CNTN4: variants seen among roughly 807,000 people sequenced by gnomAD.
CNTN4 encodes contactin-4.
In CNTN4, 77 loss-of-function variants were observed where a neutral mutation model predicts 122.5. That is an observed-to-expected ratio of 0.63 (90% CI 0.52 to 0.76). The LOEUF (loss-of-function observed/expected upper bound fraction) is 0.76. CNTN4 is among the 30% of genes least tolerant of loss of function. CNTN4 has a pLI of 0.00. For synonymous variants in CNTN4, 512 were observed against 447.0 expected, an observed-to-expected ratio of 1.15 and a Z score of -1.83; for missense variants, 1,256 against 1,259.1, an observed-to-expected ratio of 1.00 and a Z score of 0.04.
intron 2 of CNTN4, among the ~76,000 whole-genome samples, chr3:2,234,963 G>T (rs1247013455): frequency 6.6e-6 from 1 of 151,934 alleles, no homozygotes; most frequent in Non-Finnish European, 1.5e-5. Flanking sequence ...GAACAGTATT[G>T]CCCTGAGTTT....
chr3:2,704,505 G>A (rs1024484015), intron 4 of CNTN4, among the ~76,000 whole-genome samples: 4 of 151,972 alleles, frequency 2.6e-5, no homozygotes, highest in African/African-American at 7.3e-5. Context: ...AAGAGAAAGA[G>A]GACAAAACAA....
intron 7 of CNTN4, among the ~76,000 whole-genome samples, chr3:2,830,837 A>C (rs965776558): frequency 6.6e-6 from 1 of 152,204 alleles, no homozygotes; most frequent in African/African-American, 2.4e-5. Context: ...CTCTCAGGTC[A>C]GTGCATTAAG....
chr3:2,997,138 A>T (rs987990623), intron 14 of CNTN4, among the ~76,000 whole-genome samples: 57 of 152,230 alleles, frequency 3.7e-4, no homozygotes, highest in Admixed American at 1.3e-4. Context: ...AATAATTTCC[A>T]TAGCTGAAAT....
intron 7 of CNTN4, among the ~76,000 whole-genome samples, chr3:2,840,653 CA>C (rs2093344829): frequency 6.9e-6 from 1 of 144,314 alleles, no homozygotes; most frequent in African/African-American, 2.6e-5. Context: ...GAGCCAAGAT[CA>C]CACCACTGCA....
At chr3:2,356,181 C>T (rs548621631) in intron 3 of CNTN4, among the ~76,000 whole-genome samples, 74 of 152,176 alleles carry the variant, frequency 4.9e-4, no homozygotes, top group African/African-American at 1.6e-3. Context: ...GTTCTTGGAT[C>T]TCACATAAGA....
At chr3:2,234,728 C>T (rs1196198199) in intron 2 of CNTN4, among the ~76,000 whole-genome samples, 2 of 152,130 alleles carry the variant, frequency 1.3e-5, no homozygotes, top group Non-Finnish European at 2.9e-5. Flanking sequence ...TAAGCTTGAT[C>T]ATTTTATGAG....
At chr3:2,295,679 T>G (rs968475607) in intron 2 of CNTN4, among the ~76,000 whole-genome samples, 1 of 152,226 alleles carries the variant, frequency 6.6e-6, no homozygotes, top group East Asian at 1.9e-4. Context: ...GTCTTTAGTT[T>G]AATTAGATCC....
intron 2 of CNTN4, among the ~76,000 whole-genome samples, chr3:2,223,763 C>T (rs1044010870): frequency 9.2e-5 from 14 of 152,132 alleles, no homozygotes; most frequent in African/African-American, 2.7e-4. Context: ...AATTGTGGTA[C>T]ATGGTAGTAT....
At chr3:2,901,168 A>T (rs1391994066) in intron 11 of CNTN4, among the ~76,000 whole-genome samples, 2 of 152,226 alleles carry the variant, frequency 1.3e-5, no homozygotes, top group African/African-American at 4.8e-5. Context: ...GCATTGACAC[A>T]ATACAGGATA....
intron 3 of CNTN4, among the ~76,000 whole-genome samples, chr3:2,486,118 A>C (rs2076153523): frequency 6.6e-6 from 1 of 152,046 alleles, no homozygotes; most frequent in Non-Finnish European, 1.5e-5. Flanking sequence ...TGGGAGGAAC[A>C]ACAACTCCAG....
intron 2 of CNTN4, among the ~76,000 whole-genome samples, chr3:2,188,296 A>G (rs2037368208): frequency 6.6e-6 from 1 of 152,162 alleles, no homozygotes; most frequent in Non-Finnish European, 1.5e-5. Flanking sequence ...CATCAGCAAG[A>G]GTCCCTAGGA....
At position 2,269,675 on chromosome 3, in the gene CNTN4, T is replaced by G. The variant is rs538926910; in HGVS notation, c.-144-69503T>G. Among the ~76,000 whole-genome samples, 43 of 152,114 alleles carry G rather than the reference T, an allele frequency of 2.8e-4. 1 individual carries two copies. Among genetic ancestry groups the G allele is most frequent in the South Asian group, 1.9e-3 (9 of 4,828 alleles). On this transcript the variant is annotated intron_variant, in intron 2 of 24. Transcript: ENST00000418658. ...TTCTTTGTCAGGGTTCTGAAATTGATTAAGTATAACTATGTCCGTGATGTA... is the reference window on the plus strand; with the variant it reads ...TTCTTTGTCAGGGTTCTGAAATTGAGTAAGTATAACTATGTCCGTGATGTA...
intron 2 of CNTN4, among the ~76,000 whole-genome samples, chr3:2,203,439 C>A (rs2038194137): frequency 6.6e-6 from 1 of 152,024 alleles, no homozygotes; most frequent in Non-Finnish European, 1.5e-5. Flanking sequence ...GGCCCAGATA[C>A]CTCTCCTTCC....
At chr3:2,509,672 C>T (rs1247144420) in intron 3 of CNTN4, among the ~76,000 whole-genome samples, 2 of 152,154 alleles carry the variant, frequency 1.3e-5, no homozygotes, top group East Asian at 1.9e-4. Context: ...TAAGGCATCA[C>T]GAAAGTGTTG....
intron 3 of CNTN4, among the ~76,000 whole-genome samples, chr3:2,436,894 T>C (rs4404434): frequency 0.37 from 54,928 of 150,456 alleles, 11,308 homozygotes; most frequent in East Asian, 0.77. Context: ...AATTGGTAGA[T>C]TGAAAATAAA....
intron 12 of CNTN4, among the ~76,000 whole-genome samples, chr3:2,922,648 T>G (rs941401693): frequency 8.6e-5 from 12 of 138,936 alleles, no homozygotes; most frequent in Non-Finnish European, 1.4e-4. Flanking sequence ...AGTCTAGCTC[T>G]GTCCCCCAGG....
At chr3:2,547,171 CT>C (rs2078279787) in intron 3 of CNTN4, among the ~76,000 whole-genome samples, 1 of 152,036 alleles carries the variant, frequency 6.6e-6, no homozygotes, top group Admixed American at 6.6e-5. Flanking sequence ...TATAGATCTA[CT>C]AATACGAGTG....
chr3:2,194,902 A>G (rs1464660719), intron 2 of CNTN4, among the ~76,000 whole-genome samples: 1 of 152,172 alleles, frequency 6.6e-6, no homozygotes, highest in Admixed American at 6.6e-5. Flanking sequence ...GTGAGACAAT[A>G]AACTCTGTTG....
At chr3:2,706,335 G>T (rs995278921) in intron 4 of CNTN4, among the ~76,000 whole-genome samples, 3 of 152,018 alleles carry the variant, frequency 2.0e-5, no homozygotes, top group Non-Finnish European at 4.4e-5. Flanking sequence ...TCATTTCTGA[G>T]AAAATAGTAG....
Sources: gnomAD v4.1 joint callset for allele counts (sites outside exome capture counted in the v4.1 genomes callset) on GRCh38, gnomAD v4.1.1 for gene constraint, MANE v1.5 for transcripts, NCBI Gene and HGNC (gene_info 2026-07-23, HGNC 2026-07-21) for gene names.